Variants in DACH2 observed in about 807,000 individuals in gnomAD.
DACH2 encodes dachshund homolog 2.
DACH2 carries 17 observed loss-of-function variants against 35.8 expected under a neutral mutation model. The observed-to-expected ratio is 0.48, with a 90% CI of 0.33 to 0.71. The LOEUF is 0.71. DACH2 is among the 30% of genes least tolerant of loss of function. The pLI is 0.02. For synonymous variants in DACH2, 195 were observed against 177.3 expected (o/e 1.10, Z -0.79); for missense variants, 469 against 472.7 (o/e 0.99, Z 0.07).
rs151277475 is a variant in DACH2, at chrX:86,726,290, G to A, written c.1104+11570G>A. 2.1e-3 allele frequency among the ~76,000 whole-genome samples: 236 copies of A among 111,579 alleles called. 2 individuals are homozygous for A. Among genetic ancestry groups the A allele is most frequent in the African/African-American group, 7.5e-3 (229 of 30,725 alleles). On this transcript the variant is annotated intron_variant, in intron 6 of 11. Coordinates refer to ENST00000373125, the MANE Select transcript of DACH2 (RefSeq NM_053281.3). ...CTCCCTCTTCAGCCAGGTGGCAGAT[G>A]CAGCAGAGTCAGCCCAAACTCTGTC...
intron 11 of DACH2, among the ~76,000 whole-genome samples, chrX:86,825,674 C>T (rs1387225345): frequency 9.0e-6 from 1 of 111,557 alleles, no homozygotes; most frequent in Admixed American, 9.6e-5. Context: ...TCTTCTCTCC[C>T]TTTCTCTCTC....
intron 3 of DACH2, among the ~76,000 whole-genome samples, chrX:86,538,974 G>A (rs188517318): frequency 9.0e-6 from 1 of 111,316 alleles, no homozygotes; most frequent in East Asian, 2.9e-4. Context: ...AGCCAAATGT[G>A]TTTACCATAG....
At chrX:86,531,390 TGGG>T (rs1186780625) in intron 3 of DACH2, among the ~76,000 whole-genome samples, 1 of 111,182 alleles carries the variant, frequency 9.0e-6, no homozygotes, top group Non-Finnish European at 1.9e-5. Flanking sequence ...AATGGTTCTG[TGGG>T]GTGGGCCTAA....
At chrX:86,681,594 C>CTT (rs2040881691) in intron 4 of DACH2, among the ~76,000 whole-genome samples, 1 of 96,675 alleles carries the variant, frequency 1.0e-5, no homozygotes, top group African/African-American at 3.7e-5. Context: ...TCTCTTTCTC[C>CTT]CTCTCTCTCT....
chrX:86,464,344 A>AC (rs1456933275), intron 2 of DACH2, among the ~76,000 whole-genome samples: 1 of 110,183 alleles, frequency 9.1e-6, no homozygotes, highest in Non-Finnish European at 1.9e-5. Context: ...GCAGCCATAA[A>AC]AAGAATGAGT....
chrX:86,741,542 T>A (rs1028875927), intron 7 of DACH2, among the ~76,000 whole-genome samples: 1 of 111,805 alleles, frequency 8.9e-6, no homozygotes, highest in African/African-American at 3.2e-5. Flanking sequence ...GAGAGTAAGT[T>A]TAATTCCTGG....
At chrX:86,316,523 G>A (rs1040531732) in intron 1 of DACH2, among the ~76,000 whole-genome samples, 1 of 111,141 alleles carries the variant, frequency 9.0e-6, no homozygotes, top group South Asian at 3.8e-4. Context: ...TTTCTGCAGG[G>A]GACTCTTTTC....
chrX:86,608,796 C>G (rs1458736836), intron 3 of DACH2, among the ~76,000 whole-genome samples: 1 of 111,540 alleles, frequency 9.0e-6, no homozygotes, highest in Non-Finnish European at 1.9e-5. Flanking sequence ...CCATAGCATT[C>G]TCTCCTATTC....
chrX:86,782,616 A>G (rs748734781), intron 7 of DACH2, among the ~76,000 whole-genome samples: 4 of 111,842 alleles, frequency 3.6e-5, no homozygotes, highest in East Asian at 2.8e-4. Context: ...CCTACAGCCA[A>G]TTTATTTTTG....
At chrX:86,743,171 G>T (rs1051388942) in intron 7 of DACH2, among the ~76,000 whole-genome samples, 1 of 111,353 alleles carries the variant, frequency 9.0e-6, no homozygotes, top group African/African-American at 3.3e-5. Flanking sequence ...GGACATTTCA[G>T]ATGAAAGCTT....
rs142661341 is a variant in DACH2 at position 86,539,496 on chromosome X, G to T, written c.640+25105G>T. ...ACAGGTCCAAAAAGAACATCATAGG[G>T]TATTACCTTCCCATTTTCATTTCAT... On this transcript the variant is annotated intron_variant, in intron 3 of 11. Coordinates refer to ENST00000373125, the MANE Select transcript of DACH2 (RefSeq NM_053281.3). 4.5e-3 allele frequency among the ~76,000 whole-genome samples: 507 copies of T among 111,460 alleles called. 28 individuals carry two copies. The East Asian group carries it at 0.11, about 24-fold the overall frequency.
At chrX:86,221,630 C>A (rs1431561355) in intron 1 of DACH2, among the ~76,000 whole-genome samples, 7 of 111,642 alleles carry the variant, frequency 6.3e-5, no homozygotes, top group East Asian at 2.8e-4. Context: ...AACATTAAAT[C>A]TCTCAGAAAC....
intron 2 of DACH2, among the ~76,000 whole-genome samples, chrX:86,446,402 T>C (rs375954802): frequency 0.02 from 1,401 of 71,037 alleles, 24 homozygotes; most frequent in Non-Finnish European, 0.03. Context: ...CACTAACGTG[T>C]CATCTAGCAT....
chrX:86,698,514 GTTTTGTGTTTTTTTTT>G (rs2041094666), intron 5 of DACH2, among the ~76,000 whole-genome samples: 1 of 34,343 alleles, frequency 2.9e-5, no homozygotes, highest in Non-Finnish European at 4.9e-5. Flanking sequence ...TGTTTTGTTA[GTTTTGTGTTTTTTTTT>G]TTTTTTTTTT....
At chrX:86,396,556 A>G (rs1443965981) in intron 2 of DACH2, among the ~76,000 whole-genome samples, 4 of 103,994 alleles carry the variant, frequency 3.8e-5, no homozygotes, top group Non-Finnish European at 5.9e-5. Context: ...ATCTTGAATT[A>G]ATTTTTGTAT....
intron 1 of DACH2, among the ~76,000 whole-genome samples, chrX:86,152,994 T>C (rs1371589686): frequency 8.9e-6 from 1 of 111,771 alleles, no homozygotes; most frequent in Non-Finnish European, 1.9e-5. Context: ...TTAAAAATTG[T>C]TTTTCCTAAA....
At chrX:86,535,028 A>G (rs1282197742) in intron 3 of DACH2, among the ~76,000 whole-genome samples, 1 of 112,212 alleles carries the variant, frequency 8.9e-6, no homozygotes, top group Non-Finnish European at 1.9e-5. Context: ...CATGCACATT[A>G]TTTTAGAATA....
intron 1 of DACH2, among the ~76,000 whole-genome samples, chrX:86,295,379 C>G (rs1235953533): frequency 2.7e-5 from 3 of 112,155 alleles, no homozygotes; most frequent in Non-Finnish European, 5.6e-5. Flanking sequence ...CACCCGTCTT[C>G]TGCGTCGCTC....
intron 1 of DACH2, among the ~76,000 whole-genome samples, chrX:86,237,744 C>T (rs181510901): frequency 2.2e-3 from 248 of 111,732 alleles, no homozygotes; most frequent in African/African-American, 7.6e-3. Flanking sequence ...ATGATGGCTG[C>T]GGTGGGGTGG....
Sources: allele counts gnomAD v4.1 joint callset (sites outside exome capture counted in the v4.1 genomes callset), GRCh38; gene constraint gnomAD v4.1.1; transcripts MANE v1.5; gene names NCBI Gene and HGNC (gene_info 2026-07-23, HGNC 2026-07-21).